The following SH3BGRL variants were observed in gnomAD, a reference collection of about 807,000 sequenced individuals.
SH3BGRL encodes adapter SH3BGRL.
Under a neutral mutation model 9.8 loss-of-function variants are expected in SH3BGRL, and 7 were observed. The ratio of observed to expected loss-of-function variants is 0.72; its 90% CI spans 0.41 to 1.35. SH3BGRL has a LOEUF of 1.35. Among genes scored for constraint, SH3BGRL ranks in the 40% most tolerant of loss-of-function variants. SH3BGRL has a pLI of 0.01. For synonymous variants in SH3BGRL, 36 were observed against 29.1 expected (o/e 1.24, Z -0.76); for missense variants, 73 against 84.4 (o/e 0.86, Z 0.53).
At chrX:81,295,013 T>G (rs2147725327) in intron 3 of SH3BGRL, among the ~76,000 whole-genome samples, 1 of 112,492 alleles carries the variant, frequency 8.9e-6, no homozygotes, top group South Asian at 3.7e-4. Context: ...CCAATGCCTG[T>G]ACCATCGTTG....
intron 1 of SH3BGRL, among the ~76,000 whole-genome samples, chrX:81,258,456 G>A (rs1351480181): frequency 8.9e-6 from 1 of 112,067 alleles, no homozygotes; most frequent in African/African-American, 3.2e-5. Context: ...CATGGCTCTG[G>A]GTGCATGCTA....
chrX:81,294,282 G>A (rs2147724671), intron 3 of SH3BGRL, among the ~76,000 whole-genome samples: 1 of 110,715 alleles, frequency 9.0e-6, no homozygotes, highest in Non-Finnish European at 1.9e-5. Context: ...AGGCTCAGAG[G>A]CCTAGGAGGA....
chrX:81,282,124 A>G (rs760329735), intron 3 of SH3BGRL, among the ~76,000 whole-genome samples: 3 of 112,109 alleles, frequency 2.7e-5, no homozygotes, highest in Non-Finnish European at 5.6e-5. Flanking sequence ...TCCAACAGGA[A>G]AATATCACAA....
chrX:81,257,339 G>A (rs2075728379), intron 1 of SH3BGRL, among the ~76,000 whole-genome samples: 1 of 112,210 alleles, frequency 8.9e-6, no homozygotes, highest in Non-Finnish European at 1.9e-5. Flanking sequence ...ATGCAAGTCA[G>A]TCAGGTTCTG....
rs1270447325 is a variant in SH3BGRL at position 81,297,547 on chromosome X, A to G, written c.*320A>G. 2 of 147,817 alleles carry G rather than the reference A, an allele frequency of 1.4e-5. No individual in the cohort carries two copies. Among genetic ancestry groups the G allele is most frequent in the South Asian group, 2.9e-4 (1 of 3,491 alleles). 12.2% of individuals were successfully genotyped at this position (147,817 alleles called of 1,213,427 possible). A position where few individuals can be genotyped will look rare whatever the true frequency, so the allele number is the denominator to read the frequency against. ...ACCCTTCCCTCCTTCTGCCATTACT[A>G]TGGCAACTTAAGTGTATCTGCAGCT... is the stretch of plus-strand genomic sequence containing the variant. On this transcript the variant is annotated 3_prime_UTR_variant, in exon 4 of 4. Transcript: ENST00000373212.
intron 1 of SH3BGRL, among the ~76,000 whole-genome samples, chrX:81,208,981 C>T (rs1051238618): frequency 1.9e-5 from 2 of 104,828 alleles, no homozygotes; most frequent in Non-Finnish European, 3.9e-5. Flanking sequence ...TGTTGTATTG[C>T]CCTTTCGTTA....
chrX:81,210,155 G>A (rs2075558898), intron 1 of SH3BGRL, among the ~76,000 whole-genome samples: 1 of 110,715 alleles, frequency 9.0e-6, no homozygotes, highest in Non-Finnish European at 1.9e-5. Context: ...CCAAAAATGA[G>A]TCAAGACAAA....
intron 1 of SH3BGRL, among the ~76,000 whole-genome samples, chrX:81,223,870 G>T (rs2075608554): frequency 9.1e-6 from 1 of 110,484 alleles, no homozygotes; most frequent in Non-Finnish European, 1.9e-5. Flanking sequence ...TTTTTTTGTA[G>T]AAATGGGATC....
intron 1 of SH3BGRL, among the ~76,000 whole-genome samples, chrX:81,229,327 C>A (rs2075625999): frequency 9.0e-6 from 1 of 111,055 alleles, no homozygotes; most frequent in African/African-American, 3.3e-5. Flanking sequence ...GCGTGTGTTA[C>A]AGTATGCTCT....
chrX:81,278,462 CT>C, intron 3 of SH3BGRL, 51 bp downstream of exon 3: 1 of 773,465 alleles, frequency 1.3e-6, no homozygotes, highest in Admixed American at 3.2e-5. Flanking sequence ...TGCTGCTGAA[CT>C]TTTTTAATCA....
chrX:81,212,064 G>T (rs2075566328), intron 1 of SH3BGRL, among the ~76,000 whole-genome samples: 1 of 110,156 alleles, frequency 9.1e-6, no homozygotes, highest in African/African-American at 3.3e-5. Context: ...TCAGTAGTTG[G>T]GGTGAAATAT....
chrX:81,215,522 A>G (rs1222338308), intron 1 of SH3BGRL, among the ~76,000 whole-genome samples: 1 of 111,265 alleles, frequency 9.0e-6, no homozygotes, highest in African/African-American at 3.3e-5. Flanking sequence ...CCTGAGCCAG[A>G]ATGAAGGAGA....
intron 1 of SH3BGRL, among the ~76,000 whole-genome samples, chrX:81,273,319 C>T (rs1295125337): frequency 8.9e-6 from 1 of 112,593 alleles, no homozygotes; most frequent in Non-Finnish European, 1.9e-5. Context: ...TCTCACCTAA[C>T]AACCTTGTAT....
At chrX:81,226,308 G>C (rs1054578574) in intron 1 of SH3BGRL, among the ~76,000 whole-genome samples, 1 of 109,474 alleles carries the variant, frequency 9.1e-6, no homozygotes, top group Non-Finnish European at 1.9e-5. Flanking sequence ...TCTGAAAACA[G>C]CTTTTGATTA....
chrX:81,283,874 A>T lies in SH3BGRL; in HGVS notation c.312+5463A>T, dbSNP rs2075825871. On this transcript the variant is annotated intron_variant, in intron 3 of 3. Coordinates refer to ENST00000373212, the MANE Select transcript of SH3BGRL (RefSeq NM_003022.3). ...CATCCAAATTGGTAAAAAGGAAGTC[A>T]ATTGGTCACTGTTTGCTGATGATAG... 2.7e-5 allele frequency among the ~76,000 whole-genome samples: 3 copies of T among 111,352 alleles called. No individual in the cohort carries two copies. The Admixed American group carries it at 2.9e-4, about 11-fold the overall frequency.
chrX:81,242,709 C>A (rs1006505261), intron 1 of SH3BGRL, among the ~76,000 whole-genome samples: 4 of 111,198 alleles, frequency 3.6e-5, no homozygotes, highest in African/African-American at 9.8e-5. Context: ...TTAAGGAGCC[C>A]AAACAGCTCT....
intron 1 of SH3BGRL, among the ~76,000 whole-genome samples, chrX:81,213,471 G>A (rs1364593825): frequency 2.7e-5 from 3 of 112,182 alleles, no homozygotes; most frequent in Non-Finnish European, 5.6e-5. Context: ...ACATAATAGC[G>A]TTATGCATTT....
In SH3BGRL at chrX:81,247,883, C is replaced by G. The variant is rs756030083; in HGVS notation, c.46-29101C>G. ...GGGAATACTTTCAGAGGAATGGGTA[C>G]AAGTTCTTCTTTGGTAGAATTTGGC... On this transcript the variant is annotated intron_variant, in intron 1 of 3. Transcript: ENST00000373212. Among the ~76,000 whole-genome samples the G allele has an allele frequency of 3.6e-5, 4 of 109,828 alleles. No individual in the cohort carries two copies. In the East Asian group the frequency reaches 1.2e-3, roughly 32 times the overall value.
At chrX:81,263,828 G>T (rs958371317) in intron 1 of SH3BGRL, among the ~76,000 whole-genome samples, 1 of 110,777 alleles carries the variant, frequency 9.0e-6, no homozygotes, top group Non-Finnish European at 1.9e-5. Context: ...GCACTTTCTT[G>T]TCTGTTTTTT....
Sources: gnomAD v4.1 joint callset for allele counts (sites outside exome capture counted in the v4.1 genomes callset) on GRCh38, gnomAD v4.1.1 for gene constraint, MANE v1.5 for transcripts, NCBI Gene and HGNC (gene_info 2026-07-23, HGNC 2026-07-21) for gene names.